SPAG16: variants seen among roughly 807,000 people sequenced by gnomAD.
SPAG16 encodes the protein sperm associated antigen 16.
SPAG16 carries 86 observed loss-of-function variants against 80.4 expected under a neutral mutation model. The ratio of observed to expected loss-of-function variants is 1.07; its 90% CI spans 0.90 to 1.28. The LOEUF is 1.28. Among genes scored for constraint, SPAG16 ranks in the 50% most tolerant of loss-of-function variants. SPAG16 has a pLI of 0.00. For synonymous variants in SPAG16, 294 were observed against 265.9 expected, an observed-to-expected ratio of 1.11 and a Z score of -1.03; for missense variants, 870 against 765.3, an observed-to-expected ratio of 1.14 and a Z score of -1.61.
chr2:213,715,552 T>C (rs764927003), intron 10 of SPAG16, among the ~76,000 whole-genome samples: 9 of 152,188 alleles, frequency 5.9e-5, no homozygotes, highest in Non-Finnish European at 1.0e-4. Flanking sequence ...TGGCATCTTA[T>C]CTGTGAAATA....
At chr2:213,899,119 A>G (rs2077110472) in intron 11 of SPAG16, among the ~76,000 whole-genome samples, 1 of 152,172 alleles carries the variant, frequency 6.6e-6, no homozygotes, top group Admixed American at 6.6e-5. Context: ...CTTATTCAAT[A>G]TAAATAGGCC....
At chr2:213,617,280 A>C (rs955929116) in intron 10 of SPAG16, among the ~76,000 whole-genome samples, 2 of 152,126 alleles carry the variant, frequency 1.3e-5, no homozygotes, top group African/African-American at 4.8e-5. Context: ...AATGCTGATG[A>C]TGGGCCTGGC....
At chr2:214,117,540 C>CCAA (rs754598001) in intron 14 of SPAG16, among the ~76,000 whole-genome samples, 6 of 151,894 alleles carry the variant, frequency 4.0e-5, no homozygotes, top group Non-Finnish European at 5.9e-5. Flanking sequence ...AGACAAGGAC[C>CCAA]CAACAACAAC....
At chr2:214,051,838 G>T (rs2049660289) in intron 13 of SPAG16, among the ~76,000 whole-genome samples, 1 of 152,314 alleles carries the variant, frequency 6.6e-6, no homozygotes, top group South Asian at 2.1e-4. Flanking sequence ...GTAATCTGAT[G>T]TCACATTGCA....
chr2:213,630,202 G>A (rs372141787), intron 10 of SPAG16, among the ~76,000 whole-genome samples: 8 of 152,108 alleles, frequency 5.3e-5, no homozygotes, highest in African/African-American at 1.9e-4. Flanking sequence ...TAGCGAACAT[G>A]GTGAAACCTC....
At chr2:213,360,928 T>C (rs1399241674) in intron 7 of SPAG16, among the ~76,000 whole-genome samples, 1 of 152,244 alleles carries the variant, frequency 6.6e-6, no homozygotes, top group Non-Finnish European at 1.5e-5. Context: ...TCTTATGTTT[T>C]CTAGCTGGAT....
chr2:213,852,459 C>G (rs2074956261), intron 10 of SPAG16, among the ~76,000 whole-genome samples: 1 of 152,312 alleles, frequency 6.6e-6, no homozygotes, highest in South Asian at 2.1e-4. Flanking sequence ...TCGCCTTCCT[C>G]TCGCTCCCTA....
intron 10 of SPAG16, among the ~76,000 whole-genome samples, chr2:213,762,056 C>T (rs530858092): frequency 6.6e-6 from 1 of 152,076 alleles, no homozygotes; most frequent in African/African-American, 2.4e-5. Context: ...ATAGCAAAGT[C>T]GATCAATGAA....
chr2:214,054,078 C>T (rs1044139559), intron 13 of SPAG16, among the ~76,000 whole-genome samples: 6 of 152,040 alleles, frequency 3.9e-5, no homozygotes, highest in Admixed American at 6.6e-5. Context: ...GGCACAATCT[C>T]GGCTCACTGA....
intron 10 of SPAG16, among the ~76,000 whole-genome samples, chr2:213,670,856 T>TA (rs1172198017): frequency 2.0e-5 from 3 of 152,224 alleles, no homozygotes; most frequent in Non-Finnish European, 4.4e-5. Flanking sequence ...TAAAGGCCAT[T>TA]AAAAAATTAC....
chr2:213,737,350 G>A (rs1198062997), intron 10 of SPAG16, among the ~76,000 whole-genome samples: 1 of 152,036 alleles, frequency 6.6e-6, no homozygotes, highest in Non-Finnish European at 1.5e-5. Flanking sequence ...TTTGTTGTTT[G>A]CTAATGTAAT....
At chr2:214,359,588 T>C (rs1380988966) in intron 15 of SPAG16, among the ~76,000 whole-genome samples, 1 of 151,918 alleles carries the variant, frequency 6.6e-6, no homozygotes, top group Non-Finnish European at 1.5e-5. Flanking sequence ...GATGAACTAT[T>C]AACTTTCAAA....
At chr2:213,843,439 T>C (rs988157904) in intron 10 of SPAG16, among the ~76,000 whole-genome samples, 3 of 152,130 alleles carry the variant, frequency 2.0e-5, no homozygotes, top group Admixed American at 6.6e-5. Flanking sequence ...CATCAGGAGC[T>C]ACCAAAAAAT....
intron 10 of SPAG16, among the ~76,000 whole-genome samples, chr2:213,830,903 T>G (rs2073599965): frequency 6.6e-6 from 1 of 152,138 alleles, no homozygotes; most frequent in African/African-American, 2.4e-5. Context: ...TTTCTGAGGT[T>G]TTGAATAGCT....
intron 11 of SPAG16, among the ~76,000 whole-genome samples, chr2:213,898,689 T>G (rs2077092627): frequency 6.6e-6 from 1 of 152,172 alleles, no homozygotes; most frequent in South Asian, 2.1e-4. Flanking sequence ...GAGCCTGATT[T>G]ACACAGCTGG....
At chr2:213,620,970 T>C (rs2061760784) in intron 10 of SPAG16, among the ~76,000 whole-genome samples, 1 of 152,098 alleles carries the variant, frequency 6.6e-6, no homozygotes, top group African/African-American at 2.4e-5. Context: ...TTGAAAAATA[T>C]CACTCTTTAC....
At chr2:214,196,659 A>G (rs560450500) in intron 15 of SPAG16, among the ~76,000 whole-genome samples, 1 of 152,238 alleles carries the variant, frequency 6.6e-6, no homozygotes, top group East Asian at 1.9e-4. Flanking sequence ...AAACCAGTCT[A>G]TATGCCTGTT....
intron 7 of SPAG16, among the ~76,000 whole-genome samples, chr2:213,357,762 G>A (rs1253532296): frequency 2.0e-5 from 3 of 152,118 alleles, no homozygotes; most frequent in Admixed American, 6.5e-5. Context: ...TTACATTTAA[G>A]GTTAATATTG....
chr2:214,016,417 G>T (rs2047594264), intron 13 of SPAG16, among the ~76,000 whole-genome samples: 1 of 152,146 alleles, frequency 6.6e-6, no homozygotes, highest in Non-Finnish European at 1.5e-5. Flanking sequence ...CCCTGATTCA[G>T]TTACTTCCCA....
Sources: allele counts gnomAD v4.1 joint callset (sites outside exome capture counted in the v4.1 genomes callset), GRCh38; gene constraint gnomAD v4.1.1; transcripts MANE v1.5; gene names NCBI Gene and HGNC (gene_info 2026-07-23, HGNC 2026-07-21).